Variants in ST3GAL2 observed in about 807,000 individuals in gnomAD.
ST3GAL2 encodes ST3 beta-galactoside alpha-2,3-sialyltransferase 2, also known as CMP-N-acetylneuraminate-beta-galactosamide-alpha-2,3-sialyltransferase 2.
In ST3GAL2, 16 loss-of-function variants were observed where a neutral mutation model predicts 37.5. The ratio of observed to expected loss-of-function variants is 0.43; its 90% CI spans 0.29 to 0.65. ST3GAL2 has a LOEUF of 0.65. Among genes scored for constraint, ST3GAL2 ranks in the 30% least tolerant of loss-of-function variants. ST3GAL2 has a pLI of 0.17. For missense variants in ST3GAL2, 383 were observed against 487.8 expected (o/e 0.79, Z 2.02); for synonymous variants, 238 against 202.9 (o/e 1.17, Z -1.47).
In ST3GAL2 at chr16:70,378,629, G is replaced by A. The variant is rs1279298584; in HGVS notation, c.*3060C>T. 4.6e-5 allele frequency: 7 copies of A among 151,430 alleles called. No homozygotes were observed. Among genetic ancestry groups the A allele is most frequent in the Admixed American group, 2.6e-4 (4 of 15,164 alleles). The allele number at this position is 151,430 out of a possible 1,614,324, so 9.4% of individuals were successfully genotyped here. ...AGGCAGGAGAATGGCGTGAACCCGGGAGGCGGAGCTTGCAATGAGCCGAGA... is the reference window on the plus strand; with the variant it reads ...AGGCAGGAGAATGGCGTGAACCCGGAAGGCGGAGCTTGCAATGAGCCGAGA... On this transcript the variant is annotated 3_prime_UTR_variant, in exon 7 of 7. Transcript: ENST00000342907.
chr16:70,430,759 C>G (rs2047784268), intron 1 of ST3GAL2, among the ~76,000 whole-genome samples: 1 of 152,160 alleles, frequency 6.6e-6, no homozygotes. Context: ...ACTCACACTG[C>G]TCCCTAGAGC....
intron 1 of ST3GAL2, among the ~76,000 whole-genome samples, chr16:70,408,284 T>A (rs1597567667): frequency 1.3e-5 from 2 of 152,126 alleles, no homozygotes; most frequent in East Asian, 3.9e-4. Context: ...TTCCACTAAC[T>A]GGGGTACAAC....
intron 1 of ST3GAL2, among the ~76,000 whole-genome samples, chr16:70,402,462 T>TA (rs1467723677): frequency 6.6e-6 from 1 of 151,942 alleles, no homozygotes. Context: ...CATGAAAAGC[T>TA]AAAAAATACG....
chr16:70,412,136 A>G (rs1189088397), intron 1 of ST3GAL2, among the ~76,000 whole-genome samples: 3 of 152,192 alleles, frequency 2.0e-5, no homozygotes, highest in African/African-American at 7.2e-5. Flanking sequence ...TTCTTTCAGC[A>G]AAGGTCTGTA....
At chr16:70,421,131 T>C (rs890042463) in intron 1 of ST3GAL2, among the ~76,000 whole-genome samples, 4 of 152,210 alleles carry the variant, frequency 2.6e-5, no homozygotes, top group Non-Finnish European at 4.4e-5. Context: ...GGGAGGACAG[T>C]GCCTGAGAGC....
At chr16:70,423,620 T>C (rs547065300) in intron 1 of ST3GAL2, among the ~76,000 whole-genome samples, 1 of 152,264 alleles carries the variant, frequency 6.6e-6, no homozygotes, top group East Asian at 1.9e-4. Context: ...CTTGGGGATC[T>C]TGGGCAAATT....
At chr16:70,388,979 G>T (rs2151658843) in intron 3 of ST3GAL2, among the ~76,000 whole-genome samples, 1 of 149,362 alleles carries the variant, frequency 6.7e-6, no homozygotes, top group African/African-American at 2.5e-5. Context: ...GGAGACTGAG[G>T]CAGGTGATGT....
intron 1 of ST3GAL2, among the ~76,000 whole-genome samples, chr16:70,424,272 G>A (rs2151676980): frequency 6.8e-6 from 1 of 147,108 alleles, no homozygotes; most frequent in Non-Finnish European, 1.5e-5. Context: ...TGGGATTACA[G>A]GTGTGAGCCA....
rs527258524 is a variant in ST3GAL2, at chr16:70,404,137, C to T, written c.-1003-4604G>A. 5.3e-5 allele frequency among the ~76,000 whole-genome samples: 8 copies of T among 152,262 alleles called. No homozygotes were observed. In the East Asian group the frequency reaches 1.5e-3, roughly 29 times the overall value. ...AGAGTACAGTTCATTCTTAAAACTA[C>T]AGGACCAGAAGAAAAGATCTAGGGA... is the stretch of plus-strand genomic sequence containing the variant. On this transcript the variant is annotated intron_variant, in intron 1 of 6. Transcript: ENST00000342907.
chr16:70,411,051 A>T (rs1401134741), intron 1 of ST3GAL2, among the ~76,000 whole-genome samples: 1 of 152,136 alleles, frequency 6.6e-6, no homozygotes, highest in Admixed American at 6.6e-5. Context: ...AATGAGACCC[A>T]AGGGAGTATG....
intron 2 of ST3GAL2, among the ~76,000 whole-genome samples, chr16:70,397,576 A>G (rs2047525448): frequency 6.6e-6 from 1 of 151,836 alleles, no homozygotes; most frequent in Admixed American, 6.6e-5. Flanking sequence ...ATACAAAAAA[A>G]TTAGCTGAGA....
At chr16:70,412,505 G>A (rs747046123) in intron 1 of ST3GAL2, among the ~76,000 whole-genome samples, 3 of 152,014 alleles carry the variant, frequency 2.0e-5, no homozygotes, top group South Asian at 2.1e-4. Flanking sequence ...TTAGCCGGGC[G>A]TGGTGGCATG....
intron 1 of ST3GAL2, among the ~76,000 whole-genome samples, chr16:70,437,266 GC>G (rs1158400280): frequency 1.3e-5 from 2 of 152,170 alleles, no homozygotes; most frequent in Non-Finnish European, 2.9e-5. Context: ...CAGACAGTTG[GC>G]CCCCTGGCCT....
intron 1 of ST3GAL2, among the ~76,000 whole-genome samples, chr16:70,438,742 C>T (rs2151684258): frequency 6.6e-6 from 1 of 152,212 alleles, no homozygotes; most frequent in Admixed American, 6.5e-5. Flanking sequence ...ACGTGCAAAG[C>T]AGAAGGCGGG....
intron 1 of ST3GAL2, among the ~76,000 whole-genome samples, chr16:70,429,795 C>T (rs2047777000): frequency 1.3e-5 from 2 of 151,764 alleles, no homozygotes; most frequent in Non-Finnish European, 2.9e-5. Context: ...GCGCCCTCCA[C>T]CACACCCGGC....
chr16:70,410,244 T>TTTTTTTTTTTCTTTC (rs2047627997), intron 1 of ST3GAL2, among the ~76,000 whole-genome samples: 1 of 79,528 alleles, frequency 1.3e-5, no homozygotes, highest in African/African-American at 6.4e-5. Context: ...CCTCACCTTT[T>TTTTTTTTTTTCTTTC]TTTTTTTTTT....
chr16:70,435,794 CAAAATAAAAT>C (rs375297989), intron 1 of ST3GAL2, among the ~76,000 whole-genome samples: 131 of 141,340 alleles, frequency 9.3e-4, no homozygotes, highest in South Asian at 2.7e-3. Context: ...AACCTCGTCT[CAAAATAAAAT>C]AAAATAAAAT....
intron 1 of ST3GAL2, among the ~76,000 whole-genome samples, chr16:70,424,400 G>A (rs906601076): frequency 1.8e-4 from 26 of 148,476 alleles, no homozygotes; most frequent in Non-Finnish European, 3.0e-4. Context: ...TTGGGAGTTC[G>A]AGACCAGCCT....
At chr16:70,426,594 C>G (rs1042585875) in intron 1 of ST3GAL2, among the ~76,000 whole-genome samples, 2 of 151,726 alleles carry the variant, frequency 1.3e-5, no homozygotes, top group Admixed American at 6.6e-5. Flanking sequence ...TCACCACAAC[C>G]TCTGCCTCCC....
Sources: gnomAD v4.1 joint callset for allele counts (sites outside exome capture counted in the v4.1 genomes callset) on GRCh38, gnomAD v4.1.1 for gene constraint, MANE v1.5 for transcripts, NCBI Gene and HGNC (gene_info 2026-07-23, HGNC 2026-07-21) for gene names.